RASGRF2: variants seen among roughly 807,000 people sequenced by gnomAD.
The protein encoded by RASGRF2 is Ras protein specific guanine nucleotide releasing factor 2, also known as ras-specific guanine nucleotide-releasing factor 2.
In RASGRF2, 76 loss-of-function variants were observed where a neutral mutation model predicts 151.0. That is an observed-to-expected ratio of 0.50 (90% confidence interval 0.42 to 0.61). The LOEUF (loss-of-function observed/expected upper bound fraction) is 0.61, where lower values mean the gene tolerates loss of function less well. Ranked by LOEUF, RASGRF2 falls within the 20% of genes least tolerant of loss-of-function variation. RASGRF2 has a pLI of 0.00. For synonymous variants in RASGRF2, 504 were observed against 566.5 expected (o/e 0.89, Z 1.57); for missense variants, 1,148 against 1,564.6 (o/e 0.73, Z 4.49).
chr5:81,068,425 G>T lies in RASGRF2; in HGVS notation c.543+246G>T, dbSNP rs931514344. Among the ~76,000 whole-genome samples, 33 of 142,302 alleles carry T rather than the reference G, an allele frequency of 2.3e-4. No homozygotes were observed. The East Asian group carries it at 4.5e-3, about 20-fold the overall frequency. 93.4% of individuals were successfully genotyped at this position (142,302 alleles called of 152,430 possible). A position where few individuals can be genotyped will look rare whatever the true frequency, so the allele number is the denominator to read the frequency against. ...TTTTTTTGGTGGGGGGTGGTTATTTGTTCTCCTGATACCCTTCATTAGCTC... is the reference window on the plus strand; with the variant it reads ...TTTTTTTGGTGGGGGGTGGTTATTTTTTCTCCTGATACCCTTCATTAGCTC... On this transcript the variant is annotated intron_variant, in intron 3 of 26. Transcript: ENST00000265080.
intron 1 of RASGRF2, among the ~76,000 whole-genome samples, chr5:80,976,366 T>C (rs6894933): frequency 0.022 from 3,323 of 152,272 alleles, 136 homozygotes; most frequent in African/African-American, 0.076. Flanking sequence ...GTAATTCACT[T>C]GGGGCAAACC....
intron 18 of RASGRF2, among the ~76,000 whole-genome samples, chr5:81,188,882 C>T (rs1255522441): frequency 6.6e-6 from 1 of 152,174 alleles, no homozygotes; most frequent in South Asian, 2.1e-4. Context: ...ATCTTGCAGG[C>T]CAACTGTTGA....
At chr5:81,169,503 A>G (rs550532528) in intron 17 of RASGRF2, among the ~76,000 whole-genome samples, 1 of 152,072 alleles carries the variant, frequency 6.6e-6, no homozygotes, top group Admixed American at 6.5e-5. Context: ...ATGACTCCCA[A>G]TATCTGCCTC....
chr5:81,198,018 G>A (rs1022808463), intron 18 of RASGRF2, among the ~76,000 whole-genome samples: 12 of 151,974 alleles, frequency 7.9e-5, no homozygotes, highest in Non-Finnish European at 1.3e-4. Flanking sequence ...ATAAAAGAAA[G>A]TACACTGATA....
chr5:81,198,931 G>A (rs1755329768), intron 18 of RASGRF2, among the ~76,000 whole-genome samples: 2 of 152,138 alleles, frequency 1.3e-5, no homozygotes, highest in Non-Finnish European at 1.5e-5. Context: ...ATATACCCAG[G>A]GATTGCTGAG....
At position 81,229,206 on chromosome 5, in the gene RASGRF2, TTAAAGTA is replaced by T. The variant is rs952234210; in HGVS notation, c.*3442_*3448del. 3.3e-5 allele frequency: 5 copies of T among 152,186 alleles called. No homozygotes were observed. Among genetic ancestry groups the T allele is most frequent in the African/African-American group, 7.2e-5 (3 of 41,450 alleles). The allele number at this position is 152,186 out of a possible 1,614,324, so 9.4% of individuals were successfully genotyped here. On this transcript the variant is annotated 3_prime_UTR_variant, in exon 27 of 27. Transcript: ENST00000265080. Reference sequence around the variant, plus strand: ...CCCCTTGAAAAAAAATCTCTTCACTTTAAAGTATAAAGGTTTTTAAAAATCCAATTGC... The same window carrying T: ...CCCCTTGAAAAAAAATCTCTTCACTTTAAAGGTTTTTAAAAATCCAATTGC...
intron 1 of RASGRF2, among the ~76,000 whole-genome samples, chr5:80,969,328 G>A (rs1004658545): frequency 2.6e-5 from 4 of 151,120 alleles, no homozygotes; most frequent in Non-Finnish European, 5.9e-5. Context: ...TAGAGACAGG[G>A]TTTCACCATG....
chr5:81,193,630 C>T (rs1755197374), intron 18 of RASGRF2, among the ~76,000 whole-genome samples: 2 of 152,306 alleles, frequency 1.3e-5, no homozygotes, highest in East Asian at 1.9e-4. Context: ...CTTTTCCTGC[C>T]TCAGCCTCCT....
intron 17 of RASGRF2, among the ~76,000 whole-genome samples, chr5:81,132,555 T>C (rs1753650051): frequency 6.6e-6 from 1 of 152,202 alleles, no homozygotes; most frequent in African/African-American, 2.4e-5. Context: ...CCTCATTGTC[T>C]TGTTATTCAT....
intron 1 of RASGRF2, among the ~76,000 whole-genome samples, chr5:80,992,582 C>G (rs940960290): frequency 5.3e-5 from 8 of 152,088 alleles, no homozygotes; most frequent in South Asian, 2.1e-4. Flanking sequence ...CAGGATAAGC[C>G]TCAGGGTAAG....
Position 81,033,006 on chromosome 5 carries a change from G to A in RASGRF2, c.289-9871G>A, listed in dbSNP as rs1463593905. Among the ~76,000 whole-genome samples the A allele has an allele frequency of 2.4e-4, 37 of 151,970 alleles. No individual in the cohort carries two copies. The East Asian group carries it at 3.9e-3, about 16-fold the overall frequency. The stretch of plus-strand genomic sequence containing the variant: ...CAAGCATTCCTATACACCAATAACA[G>A]GCAAACAGAGAGCCAAATCATCAGT... On this transcript the variant is annotated intron_variant, in intron 1 of 26. Coordinates refer to ENST00000265080, the MANE Select transcript of RASGRF2 (RefSeq NM_006909.3).
Position 81,112,790 on chromosome 5 carries a change from T to G in RASGRF2, c.2019T>G (p.Thr673=), listed in dbSNP as rs1753034353. The G allele has an allele frequency of 1.2e-6, 2 of 1,614,114 alleles. No homozygotes were observed. The highest frequency in any genetic ancestry group is 1.7e-6 in the Non-Finnish European group (2 of 1,180,036). ...TTCTGCACACCTATCGTATTTTCAC[T>G]ACTGCCGCTGTGGTGCTGGGGAAAC... is the stretch of plus-strand genomic sequence containing the variant. ...NTFLHTYRIF[T]TAAVVLGKLS... Residue 673 remains threonine (T), a synonymous_variant, in exon 14 of 27, where the codon ACT becomes ACG. Transcript: ENST00000265080.
intron 25 of RASGRF2, 116 bp from the exon 26 acceptor site, chr5:81,219,594 C>G (rs1222637624): frequency 1.3e-6 from 1 of 766,050 alleles, no homozygotes; most frequent in Non-Finnish European, 2.2e-6. Context: ...ACCCGCCTCA[C>G]TGGAGGAAGG....
chr5:81,007,065 G>T (rs185831600), intron 1 of RASGRF2, among the ~76,000 whole-genome samples: 1 of 152,084 alleles, frequency 6.6e-6, no homozygotes, highest in Non-Finnish European at 1.5e-5. Flanking sequence ...ACCTCATTGC[G>T]TGGTGGAGTA....
At chr5:81,216,386 A>ACACACAAACAC (rs1561264589) in intron 24 of RASGRF2, among the ~76,000 whole-genome samples, 1 of 114,118 alleles carries the variant, frequency 8.8e-6, no homozygotes, top group Non-Finnish European at 1.8e-5. Flanking sequence ...CACACACACA[A>ACACACAAACAC]ACACACACAC....
intron 1 of RASGRF2, among the ~76,000 whole-genome samples, chr5:80,971,992 C>T (rs1747952570): frequency 6.6e-6 from 1 of 152,142 alleles, no homozygotes; most frequent in Non-Finnish European, 1.5e-5. Context: ...ACCTTGGCCT[C>T]CCAAAGTGCT....
chr5:81,116,633 T>A (rs551080860), intron 15 of RASGRF2, among the ~76,000 whole-genome samples: 1 of 152,320 alleles, frequency 6.6e-6, no homozygotes, highest in East Asian at 1.9e-4. Flanking sequence ...CAGACCTCTA[T>A]AACTTTTTCA....
In RASGRF2 at chr5:81,228,808, G is replaced by A. The variant is rs1756053059; in HGVS notation, c.*3038G>A. 3 of 152,148 alleles carry A rather than the reference G, an allele frequency of 2.0e-5. No homozygotes were observed. In the South Asian group the frequency reaches 6.2e-4, roughly 32 times the overall value. 9.4% of individuals were successfully genotyped at this position (152,148 alleles called of 1,614,324 possible). On this transcript the variant is annotated 3_prime_UTR_variant, in exon 27 of 27. Coordinates refer to ENST00000265080, the MANE Select transcript of RASGRF2 (RefSeq NM_006909.3). ...CACTTTTCCTTAGTGCTTTTCTGAA[G>A]GAATTTAAAGACGGAATTTTAAACG...
intron 18 of RASGRF2, among the ~76,000 whole-genome samples, chr5:81,182,398 A>C (rs967717791): frequency 2.6e-5 from 4 of 152,192 alleles, no homozygotes; most frequent in African/African-American, 4.8e-5. Context: ...TGTCATGTGA[A>C]TCTCCTGTCA....
Sources: gnomAD v4.1 joint callset for allele counts (sites outside exome capture counted in the v4.1 genomes callset) on GRCh38, gnomAD v4.1.1 for gene constraint, MANE v1.5 for transcripts, NCBI Gene and HGNC (gene_info 2026-07-23, HGNC 2026-07-21) for gene names.